The following PIEZO2 variants were observed in gnomAD, a reference collection of about 807,000 sequenced individuals.
The protein encoded by PIEZO2 is piezo type mechanosensitive ion channel component 2, also known as piezo-type mechanosensitive ion channel component 2.
PIEZO2 carries 172 observed loss-of-function variants against 337.3 expected under a neutral mutation model. The ratio of observed to expected loss-of-function variants is 0.51; its 90% confidence interval spans 0.45 to 0.58. The LOEUF (loss-of-function observed/expected upper bound fraction) is 0.58, where lower values mean the gene tolerates loss of function less well. PIEZO2 is among the 20% of genes least tolerant of loss of function. PIEZO2 has a pLI of 0.00. For synonymous variants in PIEZO2, 1,251 were observed against 1,228.5 expected (o/e 1.02, Z -0.38); for missense variants, 3,028 against 3,391.3 (o/e 0.89, Z 2.66).
chr18:11,062,207 T>G (rs1484277546), intron 2 of PIEZO2, among the ~76,000 whole-genome samples: 1 of 151,894 alleles, frequency 6.6e-6, no homozygotes, highest in Non-Finnish European at 1.5e-5. Flanking sequence ...GCTAGCCATA[T>G]GTAGAAAGCT....
Position 11,077,814 on chromosome 18 carries a change from AG to A in PIEZO2, c.65-11593del, listed in dbSNP as rs2038596362. 1.3e-5 allele frequency among the ~76,000 whole-genome samples: 2 copies of A among 152,228 alleles called. No homozygotes were observed. Among genetic ancestry groups the A allele is most frequent in the Admixed American group, 1.3e-4 (2 of 15,276 alleles). On this transcript the variant is annotated intron_variant, in intron 1 of 55. Transcript: ENST00000674853. The surrounding 1 kb of genome is among the most constrained non-coding windows in gnomAD (Gnocchi z 4.8). ...AACACGTTCAGTTCAACATAAAATA[AG>A]GTGGGAATGGCTTACTAGACTGTGT...
At chr18:10,745,963 G>T (rs769062986) in intron 30 of PIEZO2, among the ~76,000 whole-genome samples, 1 of 152,254 alleles carries the variant, frequency 6.6e-6, no homozygotes, top group Non-Finnish European at 1.5e-5. Context: ...CCAGAATCCT[G>T]GGCACATCAC....
At chr18:10,875,578 T>G (rs559839107) in intron 4 of PIEZO2, among the ~76,000 whole-genome samples, 1 of 152,220 alleles carries the variant, frequency 6.6e-6, no homozygotes, top group South Asian at 2.1e-4. Context: ...AGCTCTTTCA[T>G]GGAAAACAAA....
At chr18:10,763,169 C>G (rs1231117429) in intron 21 of PIEZO2, 71 bp from the exon 22 acceptor site, 29 of 1,445,006 alleles carry the variant, frequency 2.0e-5, no homozygotes, top group Non-Finnish European at 2.4e-5. Flanking sequence ...AGCCACAAAA[C>G]AGGATGACTT....
At chr18:10,948,876 C>G (rs187395013) in intron 3 of PIEZO2, among the ~76,000 whole-genome samples, 7 of 152,296 alleles carry the variant, frequency 4.6e-5, no homozygotes, top group African/African-American at 1.7e-4. Flanking sequence ...TAGATACATA[C>G]AGATGCATAC....
At chr18:10,742,420 T>C in intron 32 of PIEZO2, 74 bp downstream of exon 32, 11 of 1,467,278 alleles carry the variant, frequency 7.5e-6, no homozygotes, top group African/African-American at 1.4e-5. Flanking sequence ...AGTAATGTTA[T>C]TTTACAGCCC....
chr18:10,897,937 G>A (rs917665633), intron 4 of PIEZO2, among the ~76,000 whole-genome samples: 2 of 152,142 alleles, frequency 1.3e-5, no homozygotes, highest in Non-Finnish European at 2.9e-5. Context: ...CTCTGCTATC[G>A]AATGATATTG....
chr18:10,794,934 C>A lies in PIEZO2; in HGVS notation c.1596G>T (p.Met532Ile). ...VLLIWSCTLW[M>I]IRNRRKYAMI... The stretch of plus-strand genomic sequence containing the variant: ...TGGCATATTTTCTTCTGTTGCGAAT[C>A]ATCCAAAGAGTGCACGACCAGATCA... Residue 532 changes from methionine to isoleucine, a missense_variant, in exon 13 of 56, where the codon ATG (methionine) becomes ATT (isoleucine). Around this residue, in one of 5 missense-constraint regions of PIEZO2, gnomAD observed 50 missense variants for 88.2 expected, o/e 0.57. Transcript: ENST00000674853. The surrounding 1 kb of genome is among the most constrained non-coding windows in gnomAD (Gnocchi z 6.6). 6.5e-7 allele frequency: 1 copy of A among 1,545,634 alleles called. No individual in the cohort carries two copies. The highest frequency in any genetic ancestry group is 8.7e-7 in the Non-Finnish European group (1 of 1,146,972).
chr18:10,814,061 T>A (rs996463668), intron 7 of PIEZO2, among the ~76,000 whole-genome samples: 2 of 151,760 alleles, frequency 1.3e-5, no homozygotes, highest in Non-Finnish European at 2.9e-5. Flanking sequence ...TCCACCTCCC[T>A]GGTTCATGCC....
intron 51 of PIEZO2, among the ~76,000 whole-genome samples, chr18:10,681,068 G>T (rs1598347814): frequency 6.6e-6 from 1 of 152,024 alleles, no homozygotes; most frequent in African/African-American, 2.4e-5. Context: ...TTGAGAAATT[G>T]TCATGTCATT....
intron 47 of PIEZO2, among the ~76,000 whole-genome samples, chr18:10,693,322 G>A (rs1047354038): frequency 4.0e-5 from 6 of 150,328 alleles, no homozygotes; most frequent in South Asian, 4.2e-4. Flanking sequence ...CATATCTGCC[G>A]CATGGTTTTG....
chr18:10,856,010 G>T lies in PIEZO2; in HGVS notation c.704-444C>A, dbSNP rs535713203. Among the ~76,000 whole-genome samples, 1 of 151,368 alleles carries T rather than the reference G, an allele frequency of 6.6e-6. No homozygotes were observed. Among genetic ancestry groups the T allele is most frequent in the Non-Finnish European group, 1.5e-5 (1 of 67,892 alleles). The stretch of plus-strand genomic sequence containing the variant: ...TTTTTAAGTTAACTAGTACATCCTG[G>T]CCAATTAAACTCTCACTGTGCCATG... On this transcript the variant is annotated intron_variant, in intron 6 of 55. Coordinates refer to ENST00000674853, the MANE Select transcript of PIEZO2 (RefSeq NM_001378183.1). The surrounding 1 kb of genome is among the most constrained non-coding windows in gnomAD (Gnocchi z 4.7).
intron 7 of PIEZO2, among the ~76,000 whole-genome samples, chr18:10,827,935 G>A (rs146125640): frequency 6.6e-6 from 1 of 152,152 alleles, no homozygotes; most frequent in East Asian, 1.9e-4. Flanking sequence ...TTAATTTATG[G>A]TAAAAATCTG....
chr18:10,957,265 C>T (rs1296594162), intron 3 of PIEZO2, among the ~76,000 whole-genome samples: 1 of 151,666 alleles, frequency 6.6e-6, no homozygotes, highest in Admixed American at 6.6e-5. Context: ...GGCATGGTGG[C>T]GTGAGCCTGT....
intron 2 of PIEZO2, among the ~76,000 whole-genome samples, chr18:10,997,244 C>CAAAAAAAAAAAAAAAAAAAA (rs574657633): frequency 9.0e-6 from 1 of 111,018 alleles, no homozygotes; most frequent in Admixed American, 9.4e-5. Context: ...TGACTGCCTG[C>CAAAAAAAAAAAAAAAAAAAA]AAAAAAAAAA....
intron 12 of PIEZO2, among the ~76,000 whole-genome samples, chr18:10,796,210 A>T (rs1013419048): frequency 5.3e-5 from 8 of 151,880 alleles, no homozygotes; most frequent in African/African-American, 1.9e-4. Context: ...TAAAAATAAA[A>T]AAAAAAAAAA....
chr18:10,825,520 C>CT (rs57046007), intron 7 of PIEZO2, among the ~76,000 whole-genome samples: 8 of 139,344 alleles, frequency 5.7e-5, no homozygotes, highest in East Asian at 2.1e-4. Context: ...AGAAGTTGCT[C>CT]TTTTTTTTTC....
At chr18:11,057,942 T>C (rs2037789603) in intron 2 of PIEZO2, among the ~76,000 whole-genome samples, 1 of 152,212 alleles carries the variant, frequency 6.6e-6, no homozygotes, top group East Asian at 1.9e-4. Flanking sequence ...AGCTTAAACA[T>C]AGGCATGGGA....
At chr18:10,758,501 A>T (rs1479573272) in intron 26 of PIEZO2, among the ~76,000 whole-genome samples, 2 of 152,054 alleles carry the variant, frequency 1.3e-5, no homozygotes, top group Admixed American at 1.3e-4. Flanking sequence ...GCTGGAGTGC[A>T]GTGGTGCGAT....
Sources: allele counts gnomAD v4.1 joint callset (sites outside exome capture counted in the v4.1 genomes callset), GRCh38; gene constraint gnomAD v4.1.1; regional missense constraint gnomAD v4.1.1; non-coding constraint Gnocchi (gnomAD v3.1); transcripts MANE v1.5; gene names NCBI Gene and HGNC (gene_info 2026-07-23, HGNC 2026-07-21).